The following CCDC122 variants were observed in gnomAD, a reference collection of about 807,000 sequenced individuals.
CCDC122 encodes coiled-coil domain-containing protein 122.
A neutral mutation model predicts 37.0 loss-of-function variants in CCDC122; 38 were observed. That is an observed-to-expected ratio of 1.03 (90% CI 0.79 to 1.35). The LOEUF (loss-of-function observed/expected upper bound fraction) is 1.35. CCDC122 is among the 40% of genes most tolerant of loss of function. The pLI is 0.00. For missense variants in CCDC122, 305 were observed against 310.0 expected (o/e 0.98, Z 0.12); for synonymous variants, 83 against 95.6 (o/e 0.87, Z 0.77).
intron 4 of CCDC122, among the ~76,000 whole-genome samples, chr13:43,863,056 C>T (rs569067505): frequency 2.0e-5 from 3 of 151,862 alleles, no homozygotes; most frequent in South Asian, 2.1e-4. Flanking sequence ...AATACATATT[C>T]GAACTTTACA....
chr13:43,850,322 G>A (rs1027578993), intron 6 of CCDC122, among the ~76,000 whole-genome samples: 22 of 152,156 alleles, frequency 1.4e-4, no homozygotes, highest in Non-Finnish European at 2.6e-4. Context: ...AACTGAGCAA[G>A]AAATCACAAT....
chr13:43,858,583 A>G (rs1329755837), intron 6 of CCDC122, 198 bp downstream of exon 6: 4 of 303,154 alleles, frequency 1.3e-5, no homozygotes, highest in Admixed American at 5.7e-5. Flanking sequence ...GTTTGAACAC[A>G]TTCACATATT....
intron 3 of CCDC122, among the ~76,000 whole-genome samples, chr13:43,827,398 G>A (rs1953050077): frequency 6.6e-6 from 1 of 152,118 alleles, no homozygotes; most frequent in Admixed American, 6.6e-5. Context: ...TCAAATGCTA[G>A]ACTGTCCATA....
intron 6 of CCDC122, among the ~76,000 whole-genome samples, chr13:43,841,762 C>A (rs368961600): frequency 9.2e-5 from 14 of 152,280 alleles, no homozygotes; most frequent in African/African-American, 3.1e-4. Context: ...CCAGGCTGTA[C>A]TGCAGTGGCA....
chr13:43,839,136 C>T (rs1953264368), intron 6 of CCDC122, among the ~76,000 whole-genome samples: 2 of 152,052 alleles, frequency 1.3e-5, no homozygotes, highest in Non-Finnish European at 1.5e-5. Flanking sequence ...GGGTGGAGGC[C>T]AAATCATGGT....
intron 6 of CCDC122, among the ~76,000 whole-genome samples, chr13:43,841,907 G>A (rs1237198951): frequency 6.6e-6 from 1 of 152,082 alleles, no homozygotes; most frequent in Non-Finnish European, 1.5e-5. Flanking sequence ...AGATCTTACT[G>A]TATTACCCAG....
chr13:43,820,799 G>A (rs1180372481), downstream of CCDC122, among the ~76,000 whole-genome samples: 3 of 152,164 alleles, frequency 2.0e-5, no homozygotes, highest in African/African-American at 4.8e-5. Context: ...GAGAATATTT[G>A]TGATCCACTT....
At chr13:43,869,024 C>A (rs1027708113) in intron 3 of CCDC122, among the ~76,000 whole-genome samples, 2 of 152,006 alleles carry the variant, frequency 1.3e-5, no homozygotes, top group Non-Finnish European at 2.9e-5. Flanking sequence ...CATACCCGTT[C>A]CTCTACGGAA....
Position 43,837,411 on chromosome 13 carries a change from C to CGGCCGGGCGCGGTGGCTCACGCCTGT in CCDC122, c.690_691insACAGGCGTGAGCCACCGCGCCCGGCC (p.Asp231ThrfsTer20). 1 of 1,613,960 alleles carries CGGCCGGGCGCGGTGGCTCACGCCTGT rather than the reference C, an allele frequency of 6.2e-7. No individual in the cohort carries two copies. Among genetic ancestry groups the CGGCCGGGCGCGGTGGCTCACGCCTGT allele is most frequent in the Non-Finnish European group, 8.5e-7 (1 of 1,179,958 alleles). On this transcript the variant is annotated frameshift_variant, in exon 7 of 7. Coordinates refer to ENST00000444614, the MANE Select transcript of CCDC122 (RefSeq NM_144974.5). LOFTEE classifies it high-confidence loss of function. ...CAATGCAAACGCTTAAGAATTGCATCATACCTCTTATGTTGTACCTATCAA... is the reference window on the plus strand; with the variant it reads ...CAATGCAAACGCTTAAGAATTGCATCGGCCGGGCGCGGTGGCTCACGCCTGTATACCTCTTATGTTGTACCTATCAA...
At chr13:43,851,831 GCA>G (rs983236650) in intron 6 of CCDC122, among the ~76,000 whole-genome samples, 2 of 152,098 alleles carry the variant, frequency 1.3e-5, no homozygotes, top group African/African-American at 4.8e-5. Context: ...CAGAGTTACA[GCA>G]CACAGTCCAG....
chr13:43,824,295 G>A (rs986949182), intron 3 of CCDC122, among the ~76,000 whole-genome samples: 4 of 152,130 alleles, frequency 2.6e-5, no homozygotes, highest in East Asian at 1.9e-4. Flanking sequence ...CAATGTGAAG[G>A]AAGAGTATAT....
intron 4 of CCDC122, 64 bp from the exon 5 acceptor site, chr13:43,860,134 G>T: frequency 1.1e-6 from 1 of 873,936 alleles, no homozygotes; most frequent in Non-Finnish European, 1.6e-6. Context: ...GAAAATCAAT[G>T]TTTTAATCCA....
chr13:43,857,995 T>A (rs1299381634), intron 6 of CCDC122, among the ~76,000 whole-genome samples: 21 of 152,192 alleles, frequency 1.4e-4, no homozygotes, highest in Non-Finnish European at 1.5e-4. Context: ...TAATGAACCT[T>A]AATGTCTACA....
rs538513494 is a variant in CCDC122 at position 43,878,455 on chromosome 13, C to G, written c.-200+1176G>C. Among the ~76,000 whole-genome samples, 7 of 152,284 alleles carry G rather than the reference C, an allele frequency of 4.6e-5. No homozygotes were observed. The South Asian group carries it at 6.2e-4, about 14-fold the overall frequency. On this transcript the variant is annotated intron_variant, in intron 1 of 6. Coordinates refer to ENST00000444614, the MANE Select transcript of CCDC122 (RefSeq NM_144974.5). ...CATTCTGGGTTAGTGCTCCCAGTCT[C>G]TAGTCAAGCACAAGAACATGCCTAC...
chr13:43,872,009 A>C (rs576460303), intron 2 of CCDC122, among the ~76,000 whole-genome samples: 55 of 152,168 alleles, frequency 3.6e-4, no homozygotes, highest in Middle Eastern at 6.8e-3. Context: ...AAAATAGTAT[A>C]TCTAAATCCC....
rs553490135 is a variant in CCDC122, at chr13:43,849,705, T to C, written c.672+9076A>G. On this transcript the variant is annotated intron_variant, in intron 6 of 6. Transcript: ENST00000444614. ...TAACTGTTTTACTAAAGTCAAACAC[T>C]ACAGAAAAAACTATGGCCCCTCCAA... 1.5e-3 allele frequency among the ~76,000 whole-genome samples: 232 copies of C among 152,284 alleles called. 1 individual carries two copies. The highest frequency in any genetic ancestry group is 1.3e-3 in the Non-Finnish European group (86 of 68,002).
At chr13:43,821,206 T>C (rs1952990349), downstream of CCDC122, among the ~76,000 whole-genome samples, 1 of 152,168 alleles carries the variant, frequency 6.6e-6, no homozygotes, top group South Asian at 2.1e-4. Flanking sequence ...TATTGATATC[T>C]TTATGTAGGG....
chr13:43,825,141 G>GCAAT (rs1433222390), intron 3 of CCDC122, among the ~76,000 whole-genome samples: 1 of 152,164 alleles, frequency 6.6e-6, no homozygotes, highest in Non-Finnish European at 1.5e-5. Context: ...GCAAAGACAT[G>GCAAT]CAATCAACCT....
At chr13:43,876,273 C>CT (rs1021681518) in intron 1 of CCDC122, among the ~76,000 whole-genome samples, 3 of 152,176 alleles carry the variant, frequency 2.0e-5, no homozygotes, top group African/African-American at 4.8e-5. Flanking sequence ...TGCTACATGG[C>CT]TTTTTCTGGA....
Sources: gnomAD v4.1 joint callset for allele counts (sites outside exome capture counted in the v4.1 genomes callset) on GRCh38, gnomAD v4.1.1 for gene constraint, MANE v1.5 for transcripts, NCBI Gene and HGNC (gene_info 2026-07-23, HGNC 2026-07-21) for gene names.